The following ANK2 variants were observed in gnomAD, a reference collection of about 807,000 sequenced individuals.
The protein encoded by ANK2 is ankyrin-2.
In ANK2, 83 loss-of-function variants were observed where a neutral mutation model predicts 360.5. The observed-to-expected ratio is 0.23, with a 90% CI of 0.19 to 0.28. The LOEUF is 0.28. Among genes scored for constraint, ANK2 ranks in the 10% least tolerant of loss-of-function variants. The pLI is 1.00. For synonymous variants in ANK2, 1,740 were observed against 1,759.5 expected, an observed-to-expected ratio of 0.99 and a Z score of 0.28; for missense variants, 4,201 against 4,795.7, an observed-to-expected ratio of 0.88 and a Z score of 3.66.
At chr4:112,816,588 C>T (rs1405646963), upstream of ANK2, among the ~76,000 whole-genome samples, 2 of 151,892 alleles carry the variant, frequency 1.3e-5, no homozygotes, top group African/African-American at 4.8e-5. Flanking sequence ...TGGCACAATT[C>T]ACTTTAAATA....
rs543730294 is a variant in ANK2, at chr4:112,927,921, A to G, written c.21+23407A>G. The stretch of plus-strand genomic sequence containing the variant: ...ATACTGAATAACCAGAACAAGAAAA[A>G]GCTGTCACTAGATACTTTCCGTAGT... On this transcript the variant is annotated intron_variant, in intron 2 of 30. Transcript: ENST00000503271. 2.0e-5 allele frequency among the ~76,000 whole-genome samples: 3 copies of G among 152,360 alleles called. No individual in the cohort carries two copies. The East Asian group carries it at 5.8e-4, about 29-fold the overall frequency.
At position 113,174,329 on chromosome 4, in the gene ANK2, C is replaced by T. The variant is rs978494096; in HGVS notation, c.85-87C>T. The T allele has an allele frequency of 4.4e-5, 50 of 1,131,446 alleles. No individual in the cohort carries two copies. The Admixed American group carries it at 1.0e-3, about 23-fold the overall frequency. 70.1% of individuals were successfully genotyped at this position (1,131,446 alleles called of 1,614,324 possible). ...ATTTTTCCAACTAAAGCTTTTCTGA[C>T]TTCAGTGTAAACATTCTTGTCTTTC... On this transcript the variant is annotated intron_variant, in intron 1 of 45. Transcript: ENST00000357077.
In ANK2 at chr4:113,049,762, A is replaced by G. The variant is rs778450160; in HGVS notation, c.34A>G (p.Ser12Gly). Residue 12 changes from serine (S) to glycine (G), a missense_variant, in exon 1 of 46, where the codon AGT becomes GGT. Ser to Gly is a moderately conservative substitution (Grantham distance 56, BLOSUM62 0). Coordinates refer to ENST00000357077, the MANE Select transcript of ANK2 (RefSeq NM_001148.6). ...MNEDAAQKSD[S>G]GEKFNGSSQR... is the part of the protein sequence containing the mutation. ...CGAAGATGCAGCTCAGAAAAGCGAC[A>G]GTGGAGAGAAGTTCAACGGCAGTAG... The G allele has an allele frequency of 1.2e-6, 2 of 1,613,734 alleles. No individual in the cohort carries two copies. Among genetic ancestry groups the G allele is most frequent in the African/African-American group, 1.3e-5 (1 of 75,022 alleles).
At chr4:113,135,566 G>A (rs927956325) in intron 1 of ANK2, among the ~76,000 whole-genome samples, 4 of 151,494 alleles carry the variant, frequency 2.6e-5, no homozygotes, top group African/African-American at 9.7e-5. Flanking sequence ...TATGATAAGA[G>A]TAATCCTTCT....
chr4:113,196,280 G>C, intron 2 of ANK2, 88 bp from the exon 3 acceptor site: 1 of 985,594 alleles, frequency 1.0e-6, no homozygotes, highest in East Asian at 2.5e-5. Flanking sequence ...GAGTCTGTCT[G>C]TTCTCTGGGT....
At chr4:112,938,470 G>A (rs2093940102) in intron 2 of ANK2, among the ~76,000 whole-genome samples, 1 of 152,192 alleles carries the variant, frequency 6.6e-6, no homozygotes. Flanking sequence ...ATGAGAGAAG[G>A]TGGTATGTTC....
intron 2 of ANK2, among the ~76,000 whole-genome samples, chr4:112,966,377 A>G (rs1036565490): frequency 3.9e-5 from 6 of 151,948 alleles, no homozygotes; most frequent in African/African-American, 1.4e-4. Context: ...CTAGCAGAAC[A>G]TTTAGAAAAT....
chr4:113,069,576 A>C (rs545542539), intron 1 of ANK2, among the ~76,000 whole-genome samples: 6 of 152,330 alleles, frequency 3.9e-5, no homozygotes, highest in African/African-American at 1.4e-4. Context: ...GATACCTTAA[A>C]TGGAGTATTT....
At chr4:112,789,759 C>T in the ANK2 span, among the ~76,000 whole-genome samples, 1 of 152,042 alleles carries the variant, frequency 6.6e-6, no homozygotes, top group Non-Finnish European at 1.5e-5. Flanking sequence ...AGGTATGCTG[C>T]TAGAGAAGAA....
intron 2 of ANK2, among the ~76,000 whole-genome samples, chr4:112,966,120 A>G (rs2154263337): frequency 6.6e-6 from 1 of 151,906 alleles, no homozygotes; most frequent in African/African-American, 2.4e-5. Flanking sequence ...TAATTTAACA[A>G]TCTGCATCAA....
Position 113,288,429 on chromosome 4 carries a change from T to C in ANK2, c.2220T>C (p.Asn740=). ...TAATTGTGGCCTGTCACTATGGAAATGTGAAAATGGTCAACTTTCTTCTGA... is the reference window on the plus strand; with the variant it reads ...TAATTGTGGCCTGTCACTATGGAAACGTGAAAATGGTCAACTTTCTTCTGA... ...TPLIVACHYG[N]VKMVNFLLKQ... is the part of the protein sequence containing the mutation. Residue 740 remains asparagine, a synonymous_variant, in exon 20 of 46, where the codon AAT becomes AAC. Transcript: ENST00000357077. 6.2e-7 allele frequency: 1 copy of C among 1,614,004 alleles called. No individual in the cohort carries two copies. Among genetic ancestry groups the C allele is most frequent in the Non-Finnish European group, 8.5e-7 (1 of 1,179,920 alleles).
At chr4:112,782,086 C>T in the ANK2 span, among the ~76,000 whole-genome samples, 5 of 152,232 alleles carry the variant, frequency 3.3e-5, no homozygotes, top group African/African-American at 1.2e-4. Flanking sequence ...TCTCGGCCTC[C>T]CAAAGTGCTG....
At chr4:113,086,488 G>T (rs553818076) in intron 1 of ANK2, among the ~76,000 whole-genome samples, 1 of 152,306 alleles carries the variant, frequency 6.6e-6, no homozygotes, top group African/African-American at 2.4e-5. Flanking sequence ...TCTCTGGCAG[G>T]CCCTGTTCTA....
intron 1 of ANK2, among the ~76,000 whole-genome samples, chr4:113,099,573 A>C (rs938823566): frequency 8.6e-4 from 130 of 152,012 alleles, no homozygotes; most frequent in African/African-American, 3.1e-3. Context: ...TGATCTATAG[A>C]CTCAATACAA....
chr4:113,261,010 A>G (rs1243341905), intron 13 of ANK2, among the ~76,000 whole-genome samples: 2 of 152,178 alleles, frequency 1.3e-5, no homozygotes, highest in Non-Finnish European at 2.9e-5. Flanking sequence ...TGATGCGCCC[A>G]AAGTGGAAGT....
chr4:113,376,239 T>C (rs13133299), intron 45 of ANK2, among the ~76,000 whole-genome samples: 18,869 of 152,152 alleles, frequency 0.12, 1,343 homozygotes, highest in Middle Eastern at 0.2. Context: ...CTACTATACT[T>C]CTAGGTTATA....
the ANK2 span, among the ~76,000 whole-genome samples, chr4:112,722,386 C>T: frequency 2.0e-5 from 3 of 152,296 alleles, no homozygotes; most frequent in Non-Finnish European, 4.4e-5. Flanking sequence ...CGAGTGCTCA[C>T]GTGCACATAT....
intron 1 of ANK2, among the ~76,000 whole-genome samples, chr4:112,872,578 C>G (rs992236148): frequency 6.6e-6 from 1 of 152,180 alleles, no homozygotes; most frequent in Admixed American, 6.5e-5. Context: ...CTCAGGTGAT[C>G]CACCCACCTT....
chr4:113,158,305 C>A lies in ANK2; in HGVS notation c.85-16111C>A, dbSNP rs111859122. Among the ~76,000 whole-genome samples, 471 of 152,284 alleles carry A rather than the reference C, an allele frequency of 3.1e-3. 1 individual carries two copies. The highest frequency in any genetic ancestry group is 0.011 in the African/African-American group (453 of 41,572). ...AGTGTTTATCTTAAGACATAGTGAA[C>A]ATCAGTATAAACCCAATCAAAACAC... is the stretch of plus-strand genomic sequence containing the variant. On this transcript the variant is annotated intron_variant, in intron 1 of 45. Transcript: ENST00000357077.
Sources: allele counts gnomAD v4.1 joint callset (sites outside exome capture counted in the v4.1 genomes callset), GRCh38; gene constraint gnomAD v4.1.1; transcripts MANE v1.5; gene names NCBI Gene and HGNC (gene_info 2026-07-23, HGNC 2026-07-21).